MAML3: variants seen among roughly 807,000 people sequenced by gnomAD.
The protein encoded by MAML3 is mastermind like transcriptional coactivator 3.
A neutral mutation model predicts 101.9 loss-of-function variants in MAML3; 27 were observed. The observed-to-expected ratio is 0.27, with a 90% CI of 0.20 to 0.37. The LOEUF is 0.37. Among genes scored for constraint, MAML3 ranks in the 10% least tolerant of loss-of-function variants. The pLI is 1.00. For synonymous variants in MAML3, 501 were observed against 555.9 expected (o/e 0.90, Z 1.39); for missense variants, 1,316 against 1,444.9 (o/e 0.91, Z 1.45).
chr4:139,719,737 G>A lies in MAML3; in HGVS notation c.3003C>T (p.His1001=). The A allele has an allele frequency of 6.2e-7, 1 of 1,613,778 alleles. No individual in the cohort carries two copies. The highest frequency in any genetic ancestry group is 8.5e-7 in the Non-Finnish European group (1 of 1,179,852). Residue 1001 remains histidine, a synonymous_variant, in exon 5 of 5, where the codon CAC becomes CAT. Transcript: ENST00000509479. ...CTGACTGGCTCAGTCCCTGTGGGAA[G>A]TGCTGCTTGGTCAGTCTCGGCTGCC... is the stretch of plus-strand genomic sequence containing the variant. ...QAGQPRLTKQ[H]FPQGLSQSVV... is the part of the protein sequence containing the mutation.
At chr4:140,127,821 C>T (rs1277695494) in intron 1 of MAML3, among the ~76,000 whole-genome samples, 2 of 152,144 alleles carry the variant, frequency 1.3e-5, no homozygotes, top group Non-Finnish European at 2.9e-5. Context: ...AGTAGCTGTA[C>T]TAAAAGCACA....
chr4:139,764,003 G>A (rs1424925085), intron 2 of MAML3, among the ~76,000 whole-genome samples: 3 of 152,202 alleles, frequency 2.0e-5, no homozygotes, highest in African/African-American at 7.2e-5. Flanking sequence ...TAGAGGGTAG[G>A]CTCTGAGATT....
chr4:139,822,409 G>A (rs1404309782), intron 2 of MAML3, among the ~76,000 whole-genome samples: 1 of 152,134 alleles, frequency 6.6e-6, no homozygotes, highest in East Asian at 1.9e-4. Flanking sequence ...TAAGTTCTGG[G>A]TATCAGGCCT....
intron 1 of MAML3, among the ~76,000 whole-genome samples, chr4:139,976,990 A>G (rs555582834): frequency 1.3e-5 from 2 of 152,224 alleles, no homozygotes; most frequent in East Asian, 3.9e-4. Context: ...TCAATGTGCC[A>G]TATTAGAAGG....
chr4:139,864,923 CTTTTTTTTTTT>C lies in MAML3; in HGVS notation c.2079+24423_2079+24433del, dbSNP rs56361332. On this transcript the variant is annotated intron_variant, in intron 2 of 4. Transcript: ENST00000509479. Reference sequence around the variant, plus strand: ...TTAGGAAAATAGTAATGCAAACTTGCTTTTTTTTTTTTTTTTTTTTTTTTTTTTTTGCCACA... The same window carrying C: ...TTAGGAAAATAGTAATGCAAACTTGCTTTTTTTTTTTTTTTTTTTGCCACA... Among the ~76,000 whole-genome samples the C allele has an allele frequency of 8.2e-3, 513 of 62,476 alleles. 22 individuals are homozygous for C. The highest frequency in any genetic ancestry group is 0.021 in the African/African-American group (356 of 17,072). 41.0% of individuals were successfully genotyped at this position (62,476 alleles called of 152,430 possible). A position where few individuals can be genotyped will look rare whatever the true frequency, so the allele number is the denominator to read the frequency against.
At position 139,896,215 on chromosome 4, in the gene MAML3, C is replaced by T. The variant is rs114692801; in HGVS notation, c.469-5248G>A. Among the ~76,000 whole-genome samples, 691 of 152,184 alleles carry T rather than the reference C, an allele frequency of 4.5e-3. 10 individuals carry two copies. The highest frequency in any genetic ancestry group is 0.016 in the African/African-American group (652 of 41,514). ...CAGAGAACATGGGAATGCCTGGCTGCGCACAGGGAAATGTCCCTGTGACTT... is the reference window on the plus strand; with the variant it reads ...CAGAGAACATGGGAATGCCTGGCTGTGCACAGGGAAATGTCCCTGTGACTT... On this transcript the variant is annotated intron_variant, in intron 1 of 4. Transcript: ENST00000509479.
intron 2 of MAML3, among the ~76,000 whole-genome samples, chr4:139,778,982 CAAAA>C (rs67782985): frequency 1.1e-4 from 11 of 100,636 alleles, no homozygotes; most frequent in Admixed American, 4.3e-4. Context: ...GACTCCACCT[CAAAA>C]AAAAAAAAAA....
chr4:140,124,319 A>G (rs1728653335), intron 1 of MAML3, among the ~76,000 whole-genome samples: 3 of 152,098 alleles, frequency 2.0e-5, no homozygotes, highest in African/African-American at 7.2e-5. Context: ...CCAAGATACA[A>G]CCTTCTTGAT....
chr4:139,927,380 T>C (rs985200539), intron 1 of MAML3, among the ~76,000 whole-genome samples: 1 of 152,254 alleles, frequency 6.6e-6, no homozygotes. Flanking sequence ...TGGTTTATGC[T>C]GGTTTTTTCA....
intron 2 of MAML3, among the ~76,000 whole-genome samples, chr4:139,865,421 A>T (rs1051772396): frequency 6.6e-6 from 1 of 151,340 alleles, no homozygotes; most frequent in Non-Finnish European, 1.5e-5. Flanking sequence ...CTCCAAAACC[A>T]TCCTTCTTTT....
At chr4:140,003,849 AGG>A (rs1726387848) in intron 1 of MAML3, among the ~76,000 whole-genome samples, 1 of 152,204 alleles carries the variant, frequency 6.6e-6, no homozygotes, top group African/African-American at 2.4e-5. Flanking sequence ...AGTCTGCCCC[AGG>A]TATATGATTT....
At chr4:139,802,675 T>G (rs1730629809) in intron 2 of MAML3, among the ~76,000 whole-genome samples, 1 of 152,208 alleles carries the variant, frequency 6.6e-6, no homozygotes, top group African/African-American at 2.4e-5. Context: ...TGAGGCTGCC[T>G]TGCAGCCTGT....
At chr4:139,906,764 T>C (rs1732828759) in intron 1 of MAML3, among the ~76,000 whole-genome samples, 1 of 152,258 alleles carries the variant, frequency 6.6e-6, no homozygotes, top group Non-Finnish European at 1.5e-5. Context: ...ATTATAATGC[T>C]ACAGTTAAGT....
At chr4:139,734,711 C>T (rs1472142326) in intron 2 of MAML3, among the ~76,000 whole-genome samples, 1 of 152,264 alleles carries the variant, frequency 6.6e-6, no homozygotes, top group Non-Finnish European at 1.5e-5. Context: ...GAACAGCCAG[C>T]TGTTTATTTA....
chr4:140,042,771 C>T (rs952002453), intron 1 of MAML3, among the ~76,000 whole-genome samples: 11 of 152,260 alleles, frequency 7.2e-5, no homozygotes, highest in Admixed American at 1.3e-4. Context: ...TAAGGGACTG[C>T]GGAGCTTCCT....
chr4:140,006,066 T>A (rs1726439243), intron 1 of MAML3, among the ~76,000 whole-genome samples: 1 of 152,182 alleles, frequency 6.6e-6, no homozygotes, highest in South Asian at 2.1e-4. Context: ...CATCTTTTGT[T>A]TGGAGGCTGC....
intron 1 of MAML3, among the ~76,000 whole-genome samples, chr4:139,894,074 G>C (rs1732556877): frequency 6.6e-6 from 1 of 152,190 alleles, no homozygotes; most frequent in Non-Finnish European, 1.5e-5. Flanking sequence ...GATTCCCTCT[G>C]CCCCTGACAC....
intron 2 of MAML3, among the ~76,000 whole-genome samples, chr4:139,793,098 G>A (rs1730448700): frequency 6.6e-6 from 1 of 152,062 alleles, no homozygotes; most frequent in South Asian, 2.1e-4. Flanking sequence ...TTACCTCACT[G>A]GTAGAGCCAT....
intron 1 of MAML3, among the ~76,000 whole-genome samples, chr4:140,141,737 T>G (rs1015726366): frequency 6.6e-6 from 1 of 152,202 alleles, no homozygotes; most frequent in African/African-American, 2.4e-5. Context: ...TAAAAACTAG[T>G]AATGTTCTGT....
Sources: gnomAD v4.1 joint callset for allele counts (sites outside exome capture counted in the v4.1 genomes callset) on GRCh38, gnomAD v4.1.1 for gene constraint, MANE v1.5 for transcripts, NCBI Gene and HGNC (gene_info 2026-07-23, HGNC 2026-07-21) for gene names.